The following OXR1 variants were observed in gnomAD, a reference collection of about 807,000 sequenced individuals.
OXR1 encodes the protein oxidation resistance 1, also known as oxidation resistance protein 1.
OXR1 carries 41 observed loss-of-function variants against 104.6 expected under a neutral mutation model. The observed-to-expected ratio is 0.39, with a 90% CI of 0.31 to 0.51. The LOEUF (loss-of-function observed/expected upper bound fraction) is 0.51. OXR1 is among the 20% of genes least tolerant of loss of function. The pLI is 0.77. For synonymous variants in OXR1, 348 were observed against 348.4 expected, an observed-to-expected ratio of 1.00 and a Z score of 0.01; for missense variants, 955 against 1,031.9, an observed-to-expected ratio of 0.93 and a Z score of 1.02.
At chr8:106,294,411 A>AG (rs1178577872) in intron 1 of OXR1, among the ~76,000 whole-genome samples, 5 of 149,090 alleles carry the variant, frequency 3.4e-5, no homozygotes, top group East Asian at 4.0e-4. Context: ...AAAAAAAAAA[A>AG]AAAAGAAAGA....
chr8:106,662,364 A>T (rs1440448451), intron 3 of OXR1, among the ~76,000 whole-genome samples: 1 of 152,196 alleles, frequency 6.6e-6, no homozygotes, highest in Non-Finnish European at 1.5e-5. Flanking sequence ...ATATTTTTTT[A>T]AATGATTATC....
intron 1 of OXR1, among the ~76,000 whole-genome samples, chr8:106,285,140 C>A (rs1296284590): frequency 1.3e-5 from 2 of 152,034 alleles, no homozygotes; most frequent in Non-Finnish European, 2.9e-5. Context: ...ACAACAGGCC[C>A]CGGTGTGTGA....
intron 1 of OXR1, chr8:106,271,805 G>A (rs1426627446): frequency 6.6e-6 from 1 of 152,208 alleles, no homozygotes; most frequent in African/African-American, 2.4e-5. Flanking sequence ...GGCACTCTAA[G>A]GAGGACTCAG....
At chr8:106,725,765 TC>T (rs1363539169) in intron 11 of OXR1, among the ~76,000 whole-genome samples, 1 of 152,178 alleles carries the variant, frequency 6.6e-6, no homozygotes, top group Non-Finnish European at 1.5e-5. Flanking sequence ...AAAGATACAA[TC>T]TTATAGTACT....
intron 3 of OXR1, among the ~76,000 whole-genome samples, chr8:106,572,008 A>C (rs1479746363): frequency 6.6e-6 from 1 of 152,062 alleles, no homozygotes; most frequent in African/African-American, 2.4e-5. Context: ...AGCCCTGCCC[A>C]TTTGGCCTGG....
intron 3 of OXR1, among the ~76,000 whole-genome samples, chr8:106,575,699 T>TAAAAAAAAAAA (rs10583625): frequency 1.4e-5 from 2 of 146,044 alleles, no homozygotes; most frequent in African/African-American, 2.5e-5. Flanking sequence ...AAGAATATAT[T>TAAAAAAAAAAA]AAAAAAAAAA....
At chr8:106,353,961 A>T (rs1815850767) in intron 1 of OXR1, among the ~76,000 whole-genome samples, 1 of 152,184 alleles carries the variant, frequency 6.6e-6, no homozygotes, top group Admixed American at 6.5e-5. Flanking sequence ...CTGCTTTTGT[A>T]GATCTCACAT....
chr8:106,664,103 T>C (rs1284742192), intron 3 of OXR1, among the ~76,000 whole-genome samples: 3 of 152,216 alleles, frequency 2.0e-5, no homozygotes, highest in Admixed American at 1.3e-4. Context: ...TCCCAACTAG[T>C]TAGCCTTTCT....
At chr8:106,319,823 G>A (rs1465825700) in intron 1 of OXR1, among the ~76,000 whole-genome samples, 3 of 152,312 alleles carry the variant, frequency 2.0e-5, no homozygotes, top group South Asian at 2.1e-4. Flanking sequence ...GTTAGCCCAA[G>A]CTAAAAGTCA....
intron 2 of OXR1, among the ~76,000 whole-genome samples, chr8:106,394,783 G>A (rs1158700931): frequency 1.3e-5 from 2 of 152,156 alleles, no homozygotes; most frequent in Non-Finnish European, 2.9e-5. Flanking sequence ...AGGCTGCACA[G>A]ATGAACTCTG....
chr8:106,658,056 G>A (rs1312146941), intron 3 of OXR1: 1 of 1,248,642 alleles, frequency 8.0e-7, no homozygotes, highest in Non-Finnish European at 1.0e-6. Flanking sequence ...CCGCCTGTTG[G>A]GGTTCGGGGG....
At chr8:106,313,839 A>G (rs1586509417) in intron 1 of OXR1, among the ~76,000 whole-genome samples, 1 of 152,198 alleles carries the variant, frequency 6.6e-6, no homozygotes, top group Non-Finnish European at 1.5e-5. Context: ...TGAAATTTTA[A>G]CATGTACCTT....
At chr8:106,671,666 C>A (rs903269096) in intron 3 of OXR1, among the ~76,000 whole-genome samples, 1 of 151,890 alleles carries the variant, frequency 6.6e-6, no homozygotes, top group Non-Finnish European at 1.5e-5. Flanking sequence ...ATGTCCTTTG[C>A]AGGGACATGG....
rs1303306473 is a variant in OXR1 at position 106,706,802 on chromosome 8, A to G, written c.1281A>G (p.Ala427=). Residue 427 remains alanine (A), a synonymous_variant, in exon 9 of 17, where the codon GCA becomes GCG. Transcript: ENST00000517566. ...LEMAIKEDQI[A]DNFQGISGPK... is the part of the protein sequence containing the mutation. ...TGGCCATTAAGGAAGATCAGATTGC[A>G]GATAACTTTCAAGGAATATCAGGTC... The G allele has an allele frequency of 6.2e-7, 1 of 1,612,760 alleles. No homozygotes were observed.
intron 2 of OXR1, among the ~76,000 whole-genome samples, chr8:106,431,091 A>G (rs1267458432): frequency 6.6e-6 from 1 of 152,204 alleles, no homozygotes; most frequent in African/African-American, 2.4e-5. Context: ...ATAGAAGTCC[A>G]ACTATCCTGA....
chr8:106,473,773 G>C (rs940488474), intron 2 of OXR1, among the ~76,000 whole-genome samples: 1 of 150,132 alleles, frequency 6.7e-6, no homozygotes, highest in East Asian at 2.0e-4. Flanking sequence ...AGGGACAGTA[G>C]TTTTAGTTTT....
intron 2 of OXR1, among the ~76,000 whole-genome samples, chr8:106,365,182 T>C (rs1413955515): frequency 6.6e-6 from 1 of 152,130 alleles, no homozygotes; most frequent in Non-Finnish European, 1.5e-5. Context: ...CTAATTTTTT[T>C]TTAAAAGGAG....
In OXR1 at chr8:106,518,691, A is replaced by C. The variant is rs186592473; in HGVS notation, c.24-252A>C. Among the ~76,000 whole-genome samples the C allele has an allele frequency of 2.6e-5, 4 of 152,336 alleles. No individual in the cohort carries two copies. In the East Asian group the frequency reaches 7.7e-4, roughly 29 times the overall value. Reference sequence around the variant, plus strand: ...TATTTTAATTGGTTATTGAAAAAATAAAAGCTCTTTATCACCTTATATTTT... The same window carrying C: ...TATTTTAATTGGTTATTGAAAAAATCAAAGCTCTTTATCACCTTATATTTT... On this transcript the variant is annotated intron_variant, in intron 2 of 16. Transcript: ENST00000517566.
intron 1 of OXR1, among the ~76,000 whole-genome samples, chr8:106,316,718 A>G (rs1250112112): frequency 1.1e-4 from 1 of 9,092 alleles, no homozygotes; most frequent in Non-Finnish European, 2.9e-4. Context: ...TCTATCTATC[A>G]TCTATCTATC....
Sources: allele counts gnomAD v4.1 joint callset (sites outside exome capture counted in the v4.1 genomes callset), GRCh38; gene constraint gnomAD v4.1.1; transcripts MANE v1.5; gene names NCBI Gene and HGNC (gene_info 2026-07-23, HGNC 2026-07-21).